INSR: variants seen among roughly 807,000 people sequenced by gnomAD.
INSR encodes the protein IR.
A neutral mutation model predicts 142.6 loss-of-function variants in INSR; 67 were observed. That is an observed-to-expected ratio of 0.47 (90% confidence interval 0.39 to 0.58). The LOEUF is 0.58. Ranked by LOEUF, INSR falls within the 20% of genes least tolerant of loss-of-function variation. INSR has a pLI of 0.00. For missense variants in INSR, 1,248 were observed against 1,833.2 expected (o/e 0.68, Z 5.83); for synonymous variants, 756 against 743.1 (o/e 1.02, Z -0.28).
At chr19:7,128,830 C>CCACTGAACT in intron 15 of INSR, 22 bp downstream of exon 15, 3 of 1,518,958 alleles carry the variant, frequency 2.0e-6, no homozygotes, top group South Asian at 1.1e-5. Flanking sequence ...TCCCAGCACA[C>CCACTGAACT]CACTGAACTC....
chr19:7,166,621 C>G lies in INSR; in HGVS notation c.1611-217G>C, dbSNP rs139589408. On this transcript the variant is annotated intron_variant, in intron 7 of 21. Coordinates refer to ENST00000302850, the MANE Select transcript of INSR (RefSeq NM_000208.4). This position sits in a 1 kb window ranked among gnomAD's most constrained non-coding sequence, Gnocchi z 4.1. ...AAACACAGCTTGGGCATCCCTTATT[C>G]AAAACACTTGAGACTTGGCCAAGTG... Among the ~76,000 whole-genome samples, 183 of 152,256 alleles carry G rather than the reference C, an allele frequency of 1.2e-3. No homozygotes were observed. The highest frequency in any genetic ancestry group is 4.1e-3 in the African/African-American group (172 of 41,556).
chr19:7,136,832 T>C lies in INSR; in HGVS notation c.2683-4515A>G, dbSNP rs145002282. 1.0e-3 allele frequency among the ~76,000 whole-genome samples: 7 copies of C among 6,678 alleles called. 1 individual carries two copies. Among genetic ancestry groups the C allele is most frequent in the Non-Finnish European group, 1.4e-3 (2 of 1,480 alleles). 4.4% of individuals were successfully genotyped at this position (6,678 alleles called of 152,430 possible). A position where few individuals can be genotyped will look rare whatever the true frequency, so the allele number is the denominator to read the frequency against. Reference sequence around the variant, plus strand: ...AAAACTTTATTTATTTATTTACATATATATATATATATATATTGAGATGGT... The same window carrying C: ...AAAACTTTATTTATTTATTTACATACATATATATATATATATTGAGATGGT... On this transcript the variant is annotated intron_variant, in intron 13 of 21. Transcript: ENST00000302850.
rs1314147392 is a variant in INSR at position 7,153,116 on chromosome 19, CCA to C, written c.2030-191_2030-190del. On this transcript the variant is annotated intron_variant, in intron 9 of 21. Coordinates refer to ENST00000302850, the MANE Select transcript of INSR (RefSeq NM_000208.4). ...ACATACACACACCACAAACACACAA[CCA>C]CACACACACACCACACACCACACAC... Among the ~76,000 whole-genome samples the C allele has an allele frequency of 8.1e-4, 108 of 133,484 alleles. 2 individuals carry two copies. The highest frequency in any genetic ancestry group is 2.6e-3 in the African/African-American group (90 of 34,966). 87.6% of individuals were successfully genotyped at this position (133,484 alleles called of 152,430 possible).
rs550601777 is a variant in INSR at position 7,266,472 on chromosome 19, G to A, written c.652+873C>T. Reference sequence around the variant, plus strand: ...ACAATCTCGGCTCACTGCAACCTCCGCCTCCCGGGTTCAAGTGATTCTCCT... The same window carrying A: ...ACAATCTCGGCTCACTGCAACCTCCACCTCCCGGGTTCAAGTGATTCTCCT... On this transcript the variant is annotated intron_variant, in intron 2 of 21. Transcript: ENST00000302850. Among the ~76,000 whole-genome samples the A allele has an allele frequency of 2.0e-3, 288 of 145,998 alleles. 2 individuals carry two copies. Among genetic ancestry groups the A allele is most frequent in the Non-Finnish European group, 3.5e-3 (232 of 67,238 alleles).
chr19:7,234,831 G>A (rs529740388), intron 2 of INSR, among the ~76,000 whole-genome samples: 5 of 151,864 alleles, frequency 3.3e-5, no homozygotes, highest in South Asian at 4.2e-4. Context: ...AGGCCGAGGC[G>A]GGTGGACACG....
At position 7,116,108 on chromosome 19, in the gene INSR, G is replaced by GT. The variant is rs914015200; in HGVS notation, c.*947dup. ...TTTTTTTTTTTCCTTTTTCCATTTT[G>GT]TTTTTTCTTTCTTTTTCTTTTTTTT... On this transcript the variant is annotated 3_prime_UTR_variant, in exon 22 of 22. Transcript: ENST00000302850. 7 of 128,234 alleles carry GT rather than the reference G, an allele frequency of 5.5e-5. No individual in the cohort carries two copies. Among genetic ancestry groups the GT allele is most frequent in the African/African-American group, 1.2e-4 (4 of 33,790 alleles). 7.9% of individuals were successfully genotyped at this position (128,234 alleles called of 1,614,324 possible). A position where few individuals can be genotyped will look rare whatever the true frequency, so the allele number is the denominator to read the frequency against.
chr19:7,201,391 G>A (rs1023290338), intron 2 of INSR, among the ~76,000 whole-genome samples: 4 of 151,992 alleles, frequency 2.6e-5, no homozygotes, highest in African/African-American at 7.2e-5. Flanking sequence ...TTGGGAGGCC[G>A]AGGCGGGTGT....
At chr19:7,218,833 A>G (rs79287333) in intron 2 of INSR, among the ~76,000 whole-genome samples, 409 of 152,252 alleles carry the variant, frequency 2.7e-3, no homozygotes, top group African/African-American at 9.2e-3. Flanking sequence ...TGTGAGATTA[A>G]GGCCCAGCCC....
chr19:7,158,419 T>A (rs1599924647), intron 9 of INSR, among the ~76,000 whole-genome samples: 1 of 152,190 alleles, frequency 6.6e-6, no homozygotes, highest in Non-Finnish European at 1.5e-5. Context: ...GAGAATGGCG[T>A]GAACCCGGGA....
intron 1 of INSR, among the ~76,000 whole-genome samples, chr19:7,270,335 T>TCACACACA (rs1277505424): frequency 0.023 from 1,878 of 82,904 alleles, 22 homozygotes; most frequent in Middle Eastern, 0.038. Context: ...TCTCTCTCTC[T>TCACACACA]CTCTCACACA....
intron 2 of INSR, among the ~76,000 whole-genome samples, chr19:7,239,325 A>G (rs1173925135): frequency 6.8e-6 from 1 of 147,922 alleles, no homozygotes; most frequent in African/African-American, 2.5e-5. Flanking sequence ...TCCCAGGGAA[A>G]GAGGAGGAAG....
At chr19:7,152,653 C>T in intron 10 of INSR, 73 bp downstream of exon 10, 1 of 1,253,470 alleles carries the variant, frequency 8.0e-7, no homozygotes, top group Non-Finnish European at 1.2e-6. Context: ...ACCTCTCGGT[C>T]CCTAAGTAAT....
At position 7,267,666 on chromosome 19, in the gene INSR, C is replaced by T; in HGVS notation, c.331G>A (p.Gly111Arg). The T allele has an allele frequency of 3.1e-6, 5 of 1,614,012 alleles. No homozygotes were observed. Among genetic ancestry groups the T allele is most frequent in the Non-Finnish European group, 4.2e-6 (5 of 1,179,998 alleles). The change falls in exon 2 of 22, where the codon GGA becomes AGA. Residue 111 changes from glycine (G) to arginine (R), a missense_variant. Coordinates refer to ENST00000302850, the MANE Select transcript of INSR (RefSeq NM_000208.4). This position sits in a 1 kb window ranked among gnomAD's most constrained non-coding sequence, Gnocchi z 6.3. ...GCGTAGTTAAAGAACAGTCGTGATC[C>T]CCGGATGACCGTGAGGTTGGGGAAC... The part of the protein sequence containing the change: ...DLFPNLTVIR[G>R]SRLFFNYALV...
chr19:7,163,948 A>AAAAAAAATATATATATATATAT (rs1411048837), intron 8 of INSR, among the ~76,000 whole-genome samples: 1 of 136,142 alleles, frequency 7.3e-6, no homozygotes, highest in African/African-American at 3.1e-5. Context: ...AAAAAAAAAA[A>AAAAAAAATATATATATATATAT]ATTAGCTGGA....
intron 17 of INSR, chr19:7,123,229 C>T (rs1405603044): frequency 1.2e-5 from 6 of 491,932 alleles, no homozygotes; most frequent in East Asian, 7.5e-5. Context: ...AGTGCAGTGG[C>T]GTGATCTCGG....
chr19:7,158,271 T>C (rs1048844797), intron 9 of INSR, among the ~76,000 whole-genome samples: 36 of 151,738 alleles, frequency 2.4e-4, no homozygotes, highest in Middle Eastern at 3.4e-3. Flanking sequence ...GAGGCCAAGG[T>C]GGGCAGATCA....
intron 2 of INSR, among the ~76,000 whole-genome samples, chr19:7,206,439 G>A (rs898298034): frequency 6.6e-6 from 1 of 152,176 alleles, no homozygotes; most frequent in Non-Finnish European, 1.5e-5. Flanking sequence ...GACGAGGGGC[G>A]GGCGAGCGAT....
At chr19:7,165,584 T>A (rs1973870069) in intron 8 of INSR, among the ~76,000 whole-genome samples, 3 of 151,814 alleles carry the variant, frequency 2.0e-5, no homozygotes, top group Non-Finnish European at 2.9e-5. Flanking sequence ...AATAACTGAC[T>A]GGGCAAGGTG....
chr19:7,249,621 C>T (rs573094242), intron 2 of INSR, among the ~76,000 whole-genome samples: 8 of 152,034 alleles, frequency 5.3e-5, no homozygotes, highest in Non-Finnish European at 8.8e-5. Context: ...GCTAGTGTGC[C>T]AGAACTGCTT....
Sources: gnomAD v4.1 joint callset for allele counts (sites outside exome capture counted in the v4.1 genomes callset) on GRCh38, gnomAD v4.1.1 for gene constraint, Gnocchi (gnomAD v3.1) non-coding constraint, MANE v1.5 for transcripts, NCBI Gene and HGNC (gene_info 2026-07-23, HGNC 2026-07-21) for gene names.